AUTS2: variants seen among roughly 807,000 people sequenced by gnomAD.
The protein encoded by AUTS2 is activator of transcription and developmental regulator AUTS2.
In AUTS2, 17 loss-of-function variants were observed where a neutral mutation model predicts 112.4. That is an observed-to-expected ratio of 0.15 (90% confidence interval 0.10 to 0.23). AUTS2 has a LOEUF of 0.23. Among genes scored for constraint, AUTS2 ranks in the 10% least tolerant of loss-of-function variants. The probability of loss-of-function intolerance (pLI) is 1.00; values close to 1 mark genes in which losing one functional copy is unlikely to be tolerated. For missense variants in AUTS2, 1,510 were observed against 1,701.6 expected, an observed-to-expected ratio of 0.89 and a Z score of 1.98; for synonymous variants, 751 against 702.7, an observed-to-expected ratio of 1.07 and a Z score of -1.09.
At chr7:69,777,793 G>A (rs1281105724) in intron 1 of AUTS2, among the ~76,000 whole-genome samples, 1 of 152,120 alleles carries the variant, frequency 6.6e-6, no homozygotes, top group Non-Finnish European at 1.5e-5. Flanking sequence ...GAAATGAAAA[G>A]CATCTTTGGA....
chr7:69,718,647 C>A (rs903130866), intron 1 of AUTS2, among the ~76,000 whole-genome samples: 22 of 152,152 alleles, frequency 1.4e-4, no homozygotes, highest in African/African-American at 4.8e-4. Context: ...TGCTGGTTAG[C>A]ATCCTTAATT....
At chr7:70,051,165 A>T (rs749621594) in intron 2 of AUTS2, among the ~76,000 whole-genome samples, 1 of 152,142 alleles carries the variant, frequency 6.6e-6, no homozygotes, top group Non-Finnish European at 1.5e-5. Flanking sequence ...CATTTTTCAG[A>T]CTACTTTGCA....
chr7:70,728,707 C>CAAAAAAAAAAAAA (rs55878540), intron 6 of AUTS2, among the ~76,000 whole-genome samples: 1 of 81,628 alleles, frequency 1.2e-5, no homozygotes, highest in Non-Finnish European at 2.4e-5. Context: ...GACTCTGTCT[C>CAAAAAAAAAAAAA]AAAAAAAAAA....
intron 1 of AUTS2, among the ~76,000 whole-genome samples, chr7:69,740,523 C>CTTTTTTTTTTTTTTTTTTTTTTTT (rs11433491): frequency 6.7e-6 from 1 of 150,192 alleles, no homozygotes. Flanking sequence ...TCAGAAATGT[C>CTTTTTTTTTTTTTTTTTTTTTTTT]TTTTTTTTTT....
intron 5 of AUTS2, among the ~76,000 whole-genome samples, chr7:70,471,411 A>AT (rs1797377264): frequency 1.3e-5 from 2 of 152,232 alleles, no homozygotes; most frequent in African/African-American, 4.8e-5. Flanking sequence ...TGTTGAAAAC[A>AT]TTTAAAAAGC....
intron 2 of AUTS2, among the ~76,000 whole-genome samples, chr7:70,092,121 A>AGC (rs202112760): frequency 0.37 from 55,213 of 151,174 alleles, 10,562 homozygotes; most frequent in African/African-American, 0.48. Flanking sequence ...TCCTAAGATT[A>AGC]TATTTAAAAA....
chr7:69,901,552 T>C (rs572038273), intron 2 of AUTS2, among the ~76,000 whole-genome samples: 2 of 152,358 alleles, frequency 1.3e-5, no homozygotes, highest in Admixed American at 6.5e-5. Flanking sequence ...AACTCTCTTG[T>C]ACTAATGGTA....
At chr7:70,554,069 C>CT (rs35888704) in intron 5 of AUTS2, among the ~76,000 whole-genome samples, 1,177 of 98,088 alleles carry the variant, frequency 0.012, 21 homozygotes, top group African/African-American at 0.017. Context: ...TGCACCTGGC[C>CT]TTTTTTTTTT....
chr7:69,906,863 T>C (rs1795168214), intron 2 of AUTS2, among the ~76,000 whole-genome samples: 1 of 152,114 alleles, frequency 6.6e-6, no homozygotes, highest in African/African-American at 2.4e-5. Flanking sequence ...TCTCAGCACT[T>C]TGGGAGGCTA....
At chr7:70,046,026 G>A (rs1461113464) in intron 2 of AUTS2, among the ~76,000 whole-genome samples, 3 of 151,958 alleles carry the variant, frequency 2.0e-5, no homozygotes, top group Admixed American at 6.6e-5. Context: ...AAAGTTATAC[G>A]TTTAAAGGAA....
intron 5 of AUTS2, among the ~76,000 whole-genome samples, chr7:70,653,809 T>G (rs1324932893): frequency 6.6e-6 from 1 of 152,234 alleles, no homozygotes; most frequent in Non-Finnish European, 1.5e-5. Context: ...AACCCTGGTG[T>G]TGGGCTCATG....
At chr7:70,279,104 T>G (rs1788081201) in intron 4 of AUTS2, among the ~76,000 whole-genome samples, 1 of 152,226 alleles carries the variant, frequency 6.6e-6, no homozygotes, top group South Asian at 2.1e-4. Context: ...GGTGGGCCTC[T>G]TCCTCTTCTC....
chr7:69,870,270 A>G (rs1017546514), intron 1 of AUTS2, among the ~76,000 whole-genome samples: 1 of 151,606 alleles, frequency 6.6e-6, no homozygotes, highest in African/African-American at 2.4e-5. Flanking sequence ...GAATTTGTTC[A>G]CTTTTTTCCT....
rs867793324 is a variant in AUTS2 at position 69,814,521 on chromosome 7, T to C, written c.310-84765T>C. ...TCCTCCCGCTGTACCAGTGGCCAGCTCCCAGCCAGGCCACCCGGGCGAGGG... is the reference window on the plus strand; with the variant it reads ...TCCTCCCGCTGTACCAGTGGCCAGCCCCCAGCCAGGCCACCCGGGCGAGGG... On this transcript the variant is annotated intron_variant, in intron 1 of 18. Transcript: ENST00000342771. Among the ~76,000 whole-genome samples, 2 of 152,272 alleles carry C rather than the reference T, an allele frequency of 1.3e-5. 1 individual carries two copies. Among genetic ancestry groups the C allele is most frequent in the Middle Eastern group, 6.8e-3 (2 of 294 alleles).
chr7:69,894,597 C>G (rs1794668389), intron 1 of AUTS2, among the ~76,000 whole-genome samples: 3 of 152,052 alleles, frequency 2.0e-5, no homozygotes, highest in South Asian at 2.1e-4. Context: ...TCTGTTGGTA[C>G]AAATTTTTCT....
intron 2 of AUTS2, among the ~76,000 whole-genome samples, chr7:69,972,890 T>C (rs1368764990): frequency 6.6e-6 from 1 of 152,220 alleles, no homozygotes; most frequent in Non-Finnish European, 1.5e-5. Flanking sequence ...TCTTGATTAC[T>C]GTAGCTATTC....
intron 4 of AUTS2, among the ~76,000 whole-genome samples, chr7:70,299,111 A>T (rs1369351075): frequency 2.6e-5 from 4 of 152,366 alleles, no homozygotes; most frequent in Admixed American, 2.0e-4. Flanking sequence ...CGTGTTCTAT[A>T]ATCATAATTA....
At chr7:70,247,907 T>A (rs1813009988) in intron 4 of AUTS2, among the ~76,000 whole-genome samples, 1 of 152,194 alleles carries the variant, frequency 6.6e-6, no homozygotes, top group Admixed American at 6.5e-5. Context: ...ATTAAGGAAG[T>A]TCCCTTCATT....
At chr7:70,600,233 C>T (rs1015280773) in intron 5 of AUTS2, among the ~76,000 whole-genome samples, 6 of 152,150 alleles carry the variant, frequency 3.9e-5, no homozygotes, top group African/African-American at 1.4e-4. Context: ...TTAAAGTGTA[C>T]AATTCAGTAA....
Sources: allele counts gnomAD v4.1 joint callset (sites outside exome capture counted in the v4.1 genomes callset), GRCh38; gene constraint gnomAD v4.1.1; transcripts MANE v1.5; gene names NCBI Gene and HGNC (gene_info 2026-07-23, HGNC 2026-07-21).